EDC3: variants seen among roughly 807,000 people sequenced by gnomAD.
The protein encoded by EDC3 is enhancer of mRNA decapping 3.
A neutral mutation model predicts 41.8 loss-of-function variants in EDC3; 20 were observed. The ratio of observed to expected loss-of-function variants is 0.48; its 90% confidence interval spans 0.34 to 0.70. The LOEUF is 0.70. Among genes scored for constraint, EDC3 ranks in the 30% least tolerant of loss-of-function variants. The pLI, the probability that EDC3 is intolerant of heterozygous loss-of-function variation, is 0.01. For missense variants in EDC3, 444 were observed against 636.8 expected, an observed-to-expected ratio of 0.70 and a Z score of 3.26; for synonymous variants, 206 against 243.2, an observed-to-expected ratio of 0.85 and a Z score of 1.42.
At chr15:74,686,251 G>C (rs2062935843) in intron 1 of EDC3, among the ~76,000 whole-genome samples, 1 of 152,142 alleles carries the variant, frequency 6.6e-6, no homozygotes, top group Non-Finnish European at 1.5e-5. Flanking sequence ...CTTGAACCCG[G>C]GAGGCGGAGG....
chr15:74,635,736 G>A (rs754679677), intron 5 of EDC3, 110 bp from the exon 6 acceptor site: 4 of 1,013,974 alleles, frequency 3.9e-6, no homozygotes, highest in Admixed American at 2.4e-5. Context: ...CTTACCCACT[G>A]CTCACCAAGT....
At chr15:74,660,016 G>C (rs955464057) in intron 3 of EDC3, among the ~76,000 whole-genome samples, 1 of 151,688 alleles carries the variant, frequency 6.6e-6, no homozygotes, top group African/African-American at 2.4e-5. Flanking sequence ...CTGCACTCCA[G>C]CCTGGTGACA....
At chr15:74,641,625 G>C (rs1596303426) in intron 4 of EDC3, 1 of 152,866 alleles carries the variant, frequency 6.5e-6, no homozygotes, top group South Asian at 2.1e-4. Context: ...AGCCCCACTT[G>C]GCTTCACCGG....
chr15:74,674,495 G>T (rs939786797), intron 2 of EDC3, among the ~76,000 whole-genome samples: 1 of 152,172 alleles, frequency 6.6e-6, no homozygotes. Context: ...AACTAATTCA[G>T]CAAGATGACA....
intron 5 of EDC3, chr15:74,637,946 C>T (rs1475880227): frequency 2.6e-5 from 4 of 152,226 alleles, no homozygotes; most frequent in African/African-American, 9.7e-5. Flanking sequence ...CTGCCCTGCT[C>T]TTTGGAAGTG....
At chr15:74,660,700 A>G (rs1382289901) in intron 3 of EDC3, among the ~76,000 whole-genome samples, 3 of 152,082 alleles carry the variant, frequency 2.0e-5, no homozygotes, top group Admixed American at 2.0e-4. Context: ...CCCAGTGGTC[A>G]CTCTTCAGTG....
chr15:74,685,278 T>C (rs570467225), intron 1 of EDC3, among the ~76,000 whole-genome samples: 18 of 152,086 alleles, frequency 1.2e-4, no homozygotes, highest in African/African-American at 3.9e-4. Flanking sequence ...ATGCCTGTAA[T>C]ACAAGCTACA....
At chr15:74,685,714 C>G (rs1361775261) in intron 1 of EDC3, among the ~76,000 whole-genome samples, 1 of 151,964 alleles carries the variant, frequency 6.6e-6, no homozygotes, top group Non-Finnish European at 1.5e-5. Flanking sequence ...CCCACTCACA[C>G]GAGGAAGTCA....
chr15:74,638,287 T>A (rs1025948837), intron 5 of EDC3: 3 of 149,902 alleles, frequency 2.0e-5, no homozygotes, highest in Admixed American at 2.0e-4. Context: ...AACTCCTAAA[T>A]CTCTAGCATC....
At chr15:74,644,398 C>T (rs1324295397) in intron 4 of EDC3, 1 of 152,248 alleles carries the variant, frequency 6.6e-6, no homozygotes, top group Non-Finnish European at 1.5e-5. Flanking sequence ...TGTCAGCACG[C>T]TGCTTACTTC....
intron 1 of EDC3, among the ~76,000 whole-genome samples, chr15:74,680,893 A>G (rs999738342): frequency 6.6e-6 from 1 of 152,086 alleles, no homozygotes; most frequent in Non-Finnish European, 1.5e-5. Context: ...CTCAAAAAAT[A>G]AAGTACTAGG....
chr15:74,664,732 T>C (rs970499220), intron 3 of EDC3, among the ~76,000 whole-genome samples: 5 of 152,134 alleles, frequency 3.3e-5, no homozygotes, highest in Admixed American at 1.3e-4. Context: ...ATGAAGCACA[T>C]CCAAGGAAGT....
intron 2 of EDC3, among the ~76,000 whole-genome samples, chr15:74,672,335 C>A (rs2062749726): frequency 6.7e-6 from 1 of 150,048 alleles, no homozygotes; most frequent in African/African-American, 2.5e-5. Flanking sequence ...TACATTCCCA[C>A]AATGTTTAAT....
intron 1 of EDC3, among the ~76,000 whole-genome samples, chr15:74,684,117 CCTCCTGGG>C (rs1161721961): frequency 9.2e-5 from 13 of 142,008 alleles, no homozygotes; most frequent in African/African-American, 2.4e-4. Context: ...CTCACTGCAG[CCTCCTGGG>C]CTCCTGGGCT....
chr15:74,653,957 A>G (rs1047406492), intron 4 of EDC3, among the ~76,000 whole-genome samples: 8 of 152,178 alleles, frequency 5.3e-5, no homozygotes, highest in African/African-American at 1.9e-4. Flanking sequence ...AGTTAAAAAA[A>G]TCCTGCAGTG....
chr15:74,692,113 C>T (rs538320757), intron 1 of EDC3, among the ~76,000 whole-genome samples: 14 of 152,310 alleles, frequency 9.2e-5, no homozygotes, highest in African/African-American at 3.4e-4. Context: ...GCCACCGCAC[C>T]CGGCCACATA....
chr15:74,681,364 G>C (rs2062868541), intron 1 of EDC3, among the ~76,000 whole-genome samples: 1 of 151,688 alleles, frequency 6.6e-6, no homozygotes, highest in Non-Finnish European at 1.5e-5. Flanking sequence ...TCTTCGCCAG[G>C]CTGGTCTTGA....
intron 1 of EDC3, among the ~76,000 whole-genome samples, chr15:74,685,298 A>T (rs757632286): frequency 2.0e-4 from 31 of 152,074 alleles, no homozygotes; most frequent in Non-Finnish European, 4.6e-4. Flanking sequence ...AGCTACTCAG[A>T]ATGCTGAGAC....
Position 74,632,740 on chromosome 15 carries a change from G to A in EDC3, c.1399C>T (p.Leu467=). The A allele has an allele frequency of 2.5e-6, 4 of 1,614,178 alleles. No homozygotes were observed. The highest frequency in any genetic ancestry group is 3.4e-6 in the Non-Finnish European group (4 of 1,180,024). The stretch of plus-strand genomic sequence containing the variant: ...TAGATACGGCCTGCGTGCTCCCCCA[G>A]TGGCAGAGGCAGGCCCAGTGCCAGT... ...WSLALGLPLP[L]GEHAGRIYLC... The change falls in exon 7 of 7, where the codon CTG becomes TTG. Residue 467 remains leucine (L), a synonymous_variant. Transcript: ENST00000315127. This position sits in a 1 kb window ranked among gnomAD's most constrained non-coding sequence, Gnocchi z 4.0.
Sources: gnomAD v4.1 joint callset for allele counts (sites outside exome capture counted in the v4.1 genomes callset) on GRCh38, gnomAD v4.1.1 for gene constraint, Gnocchi (gnomAD v3.1) non-coding constraint, MANE v1.5 for transcripts, NCBI Gene and HGNC (gene_info 2026-07-23, HGNC 2026-07-21) for gene names.